Variants in MAP3K15 observed in about 807,000 individuals in gnomAD.
The protein encoded by MAP3K15 is mitogen-activated protein kinase kinase kinase 15.
A neutral mutation model predicts 99.5 loss-of-function variants in MAP3K15; 124 were observed. The ratio of observed to expected loss-of-function variants is 1.25; its 90% CI spans 1.08 to 1.45. The LOEUF (loss-of-function observed/expected upper bound fraction) is 1.45, where lower values mean the gene tolerates loss of function less well. MAP3K15 is among the 40% of genes most tolerant of loss of function. The pLI, the probability that MAP3K15 is intolerant of heterozygous loss-of-function variation, is 0.00. For synonymous variants in MAP3K15, 494 were observed against 439.6 expected (o/e 1.12, Z -1.55); for missense variants, 1,242 against 1,079.7 (o/e 1.15, Z -2.11).
intron 16 of MAP3K15, among the ~76,000 whole-genome samples, chrX:19,394,523 G>A (rs905325165): frequency 2.7e-5 from 3 of 111,397 alleles, no homozygotes; most frequent in African/African-American, 9.8e-5. Context: ...GGATTTTTGT[G>A]GATAAAACAC....
rs779999826 is a variant in MAP3K15 at position 19,361,086 on chromosome X, C to T, written c.3857+253G>A. On this transcript the variant is annotated intron_variant, in intron 28 of 28. Transcript: ENST00000338883. ...AGGGGGTGGGTCCAGCGTGCAGGCA[C>T]GCTTGCCATGTGCCTCCACCCACTC... 6.7e-5 allele frequency: 28 copies of T among 418,972 alleles called. No individual in the cohort carries two copies. The East Asian group carries it at 8.3e-4, about 12-fold the overall frequency. The allele number at this position is 418,972 out of a possible 1,213,427, so 34.5% of individuals were successfully genotyped here. A position where few individuals can be genotyped will look rare whatever the true frequency, so the allele number is the denominator to read the frequency against.
Position 19,371,053 on chromosome X carries a change from A to C in MAP3K15, c.3306T>G (p.Ile1102Met), listed in dbSNP as rs776117021. ...GGGGCCTAATTAAGTGGTTCCTCAAAATTTTATTTACCTAAAAAAAAAAAA... is the reference window on the plus strand; with the variant it reads ...GGGGCCTAATTAAGTGGTTCCTCAACATTTTATTTACCTAAAAAAAAAAAA... ...LFGFQDAVNK[I>M]LRNHLIRPHW... Residue 1102 changes from isoleucine to methionine, a missense_variant, in exon 24 of 29, where the codon ATT (isoleucine) becomes ATG (methionine). By Grantham distance (10) the Ile-to-Met change is conservative. Coordinates refer to ENST00000338883, the MANE Select transcript of MAP3K15 (RefSeq NM_001001671.4). 3.5e-6 allele frequency: 4 copies of C among 1,132,852 alleles called. No individual in the cohort carries two copies. The African/African-American group carries it at 5.8e-5, about 17-fold the overall frequency. The allele number at this position is 1,132,852 out of a possible 1,213,427, so 93.4% of individuals were successfully genotyped here.
rs377382652 is a variant in MAP3K15, at chrX:19,361,338, C to T, written c.3857+1G>A. On this transcript the variant is annotated splice_donor_variant, in intron 28 of 28. Coordinates refer to ENST00000338883, the MANE Select transcript of MAP3K15 (RefSeq NM_001001671.4). LOFTEE classifies it high-confidence loss of function. ...TATACAAACTGTTTTGAGGCTCTTA[C>T]CGTAGTCGAAGGTATCTTAGATCTT... 4.2e-6 allele frequency: 5 copies of T among 1,196,851 alleles called. No individual in the cohort carries two copies. Among genetic ancestry groups the T allele is most frequent in the Non-Finnish European group, 4.5e-6 (4 of 883,337 alleles).
intron 25 of MAP3K15, among the ~76,000 whole-genome samples, chrX:19,366,174 T>C (rs2063333647): frequency 9.1e-6 from 1 of 110,157 alleles, no homozygotes; most frequent in Non-Finnish European, 1.9e-5. Context: ...GCAGAGGAAA[T>C]ATTGGCACTC....
At chrX:19,508,467 C>T (rs1051738213) in intron 1 of MAP3K15, among the ~76,000 whole-genome samples, 13 of 112,532 alleles carry the variant, frequency 1.2e-4, no homozygotes, top group Admixed American at 6.6e-4. Flanking sequence ...CCACCGTGCC[C>T]GGCCTGGAGA....
At chrX:19,490,280 C>T (rs1228902062) in intron 1 of MAP3K15, among the ~76,000 whole-genome samples, 1 of 110,867 alleles carries the variant, frequency 9.0e-6, no homozygotes, top group Non-Finnish European at 1.9e-5. Flanking sequence ...CTTCAGCTTG[C>T]TATTTTTTGG....
rs1294605438 is a variant in MAP3K15, at chrX:19,431,132, G to C, written c.1166+306C>G. On this transcript the variant is annotated intron_variant, in intron 7 of 28. Coordinates refer to ENST00000338883, the MANE Select transcript of MAP3K15 (RefSeq NM_001001671.4). ...AGTGAATGAATGAACAGATCACTGGGAAGATGATGCCCTGGTGGTGGTGGA... is the reference window on the plus strand; with the variant it reads ...AGTGAATGAATGAACAGATCACTGGCAAGATGATGCCCTGGTGGTGGTGGA... Among the ~76,000 whole-genome samples, 17 of 111,689 alleles carry C rather than the reference G, an allele frequency of 1.5e-4. No individual in the cohort carries two copies. In the Admixed American group the frequency reaches 1.6e-3, roughly 11 times the overall value.
chrX:19,385,177 G>A (rs772868397), intron 18 of MAP3K15, among the ~76,000 whole-genome samples: 14 of 111,670 alleles, frequency 1.3e-4, no homozygotes, highest in Admixed American at 1.9e-4. Flanking sequence ...CCTGGCTCAG[G>A]GTCTCCCAGG....
intron 9 of MAP3K15, among the ~76,000 whole-genome samples, chrX:19,423,035 G>A (rs1304991843): frequency 9.3e-6 from 1 of 107,827 alleles, no homozygotes; most frequent in Non-Finnish European, 1.9e-5. Context: ...TTATGGGGTG[G>A]GGGCGGGGGA....
chrX:19,368,730 G>A (rs904914844), intron 25 of MAP3K15, among the ~76,000 whole-genome samples: 4 of 111,474 alleles, frequency 3.6e-5, no homozygotes, highest in African/African-American at 9.8e-5. Context: ...CCATGCCAGG[G>A]GCCCCGTCTT....
At chrX:19,393,214 C>T (rs1394464939) in intron 16 of MAP3K15, among the ~76,000 whole-genome samples, 1 of 111,702 alleles carries the variant, frequency 9.0e-6, no homozygotes, top group Admixed American at 9.5e-5. Flanking sequence ...TTCCCACTTA[C>T]ACAGTGTTAT....
intron 8 of MAP3K15, 99 bp from the exon 9 acceptor site, chrX:19,425,789 G>A: frequency 2.4e-6 from 2 of 816,481 alleles, no homozygotes; most frequent in Non-Finnish European, 3.4e-6. Flanking sequence ...TCTCAGGTGT[G>A]CTATAGGAAA....
At chrX:19,492,505 A>C (rs1020510809) in intron 1 of MAP3K15, among the ~76,000 whole-genome samples, 1 of 111,383 alleles carries the variant, frequency 9.0e-6, no homozygotes, top group Non-Finnish European at 1.9e-5. Flanking sequence ...GCACGTCTAT[A>C]CTGAGGAAAC....
intron 6 of MAP3K15, 87 bp from the exon 7 acceptor site, chrX:19,431,695 C>T: frequency 3.5e-6 from 3 of 854,424 alleles, no homozygotes; most frequent in Non-Finnish European, 4.8e-6. Flanking sequence ...CCTGTAATCC[C>T]AGCACTTTGG....
chrX:19,438,874 T>C (rs2063940482), intron 6 of MAP3K15, among the ~76,000 whole-genome samples: 1 of 111,939 alleles, frequency 8.9e-6, no homozygotes, highest in Non-Finnish European at 1.9e-5. Context: ...TTCACTCCTG[T>C]AGTGACAATA....
intron 18 of MAP3K15, among the ~76,000 whole-genome samples, chrX:19,380,919 G>A (rs908589731): frequency 8.9e-6 from 1 of 112,412 alleles, no homozygotes; most frequent in Admixed American, 9.4e-5. Flanking sequence ...GACAAATGGC[G>A]CAATTCAGTC....
At chrX:19,477,568 G>A (rs1042106527) in intron 3 of MAP3K15, among the ~76,000 whole-genome samples, 3 of 103,571 alleles carry the variant, frequency 2.9e-5, no homozygotes, top group African/African-American at 1.0e-4. Flanking sequence ...AAATTAGCCG[G>A]GCATGGTGGT....
At chrX:19,452,245 G>A (rs1163133773) in intron 6 of MAP3K15, among the ~76,000 whole-genome samples, 1 of 86 alleles carries the variant, frequency 0.012, no homozygotes, top group African/African-American at 0.12. Flanking sequence ...GAAGAGAAGA[G>A]AAGAGAAGAG....
At chrX:19,424,040 G>A (rs761277385) in intron 9 of MAP3K15, among the ~76,000 whole-genome samples, 2 of 110,889 alleles carry the variant, frequency 1.8e-5, no homozygotes, top group East Asian at 5.7e-4. Flanking sequence ...AAGGACAACT[G>A]GAAGCTTGCA....
Sources: gnomAD v4.1 joint callset for allele counts (sites outside exome capture counted in the v4.1 genomes callset) on GRCh38, gnomAD v4.1.1 for gene constraint, MANE v1.5 for transcripts, NCBI Gene and HGNC (gene_info 2026-07-23, HGNC 2026-07-21) for gene names.